The following COL20A1 variants were observed in gnomAD, a reference collection of about 807,000 sequenced individuals.
COL20A1 encodes the protein collagen alpha-1(XX) chain.
COL20A1 carries 164 observed loss-of-function variants against 152.9 expected under a neutral mutation model. The observed-to-expected ratio is 1.07, with a 90% CI of 0.94 to 1.22. The LOEUF is 1.22. Ranked by LOEUF, COL20A1 falls within the 50% of genes most tolerant of loss-of-function variation. COL20A1 has a pLI of 0.00. For missense variants in COL20A1, 1,873 were observed against 1,744.8 expected, an observed-to-expected ratio of 1.07 and a Z score of -1.31; for synonymous variants, 864 against 756.0, an observed-to-expected ratio of 1.14 and a Z score of -2.34.
intron 28 of COL20A1, 41 bp downstream of exon 28, chr20:63,325,535 G>T (rs753557774): frequency 1.2e-5 from 19 of 1,592,456 alleles, no homozygotes; most frequent in Non-Finnish European, 1.3e-5. Flanking sequence ...GGTTGGTGGG[G>T]GTGGGGGAAG....
intron 9 of COL20A1, 122 bp downstream of exon 9, chr20:63,309,619 T>G: frequency 8.2e-7 from 1 of 1,220,330 alleles, no homozygotes; most frequent in Non-Finnish European, 1.1e-6. Flanking sequence ...TGAGGGGGTC[T>G]GCAGCACCCC....
rs766815439 is a variant in COL20A1 at position 63,309,807 on chromosome 20, G to T, written c.1155G>T (p.Leu385=). The T allele has an allele frequency of 2.5e-6, 4 of 1,608,504 alleles. No homozygotes were observed. Among genetic ancestry groups the T allele is most frequent in the East Asian group, 2.2e-5 (1 of 44,748 alleles). The change falls in exon 10 of 36, where the codon CTG becomes CTT. Residue 385 remains leucine (L), a synonymous_variant. Transcript: ENST00000358894. ...DTLPAPTSLV[L]SQVTSSSIRL... ...TCCCTGCCCCCACCAGCCTGGTCCTGAGCCAGGTGACCTCCTCCAGCATCC... is the reference window on the plus strand; with the variant it reads ...TCCCTGCCCCCACCAGCCTGGTCCTTAGCCAGGTGACCTCCTCCAGCATCC...
intron 3 of COL20A1, among the ~76,000 whole-genome samples, chr20:63,300,335 G>T (rs2067849389): frequency 6.6e-6 from 1 of 151,826 alleles, no homozygotes. Context: ...CTGACTTCTG[G>T]GCTTGTGGTG....
At position 63,313,747 on chromosome 20, in the gene COL20A1, G is replaced by A. The variant is rs368855968; in HGVS notation, c.2214G>A (p.Thr738=). The A allele has an allele frequency of 2.7e-5, 43 of 1,588,050 alleles. No individual in the cohort carries two copies. In the African/African-American group the frequency reaches 3.7e-4, roughly 13 times the overall value. The change falls in exon 18 of 36, where the codon ACG becomes ACA. Residue 738 remains threonine, a synonymous_variant. Transcript: ENST00000358894. This position sits in a 1 kb window ranked among gnomAD's most constrained non-coding sequence, Gnocchi z 5.9. ...ACAACCCATGCTCTCGGCCAGCCAC[G>A]GTGAGCAGGAGCCCACCCTCCAACC... ...DPVSLRYTPS[T]VSRSPPSNLA... is the part of the protein sequence containing the mutation.
At chr20:63,300,720 T>C (rs560259505) in intron 3 of COL20A1, among the ~76,000 whole-genome samples, 2 of 152,346 alleles carry the variant, frequency 1.3e-5, no homozygotes, top group Admixed American at 6.5e-5. Context: ...TTTTCTGCTC[T>C]AACTTAAGAT....
chr20:63,317,374 GAGC>G (rs2068097752), intron 21 of COL20A1, among the ~76,000 whole-genome samples: 1 of 151,670 alleles, frequency 6.6e-6, no homozygotes, highest in African/African-American at 2.4e-5. Flanking sequence ...GCTGAGGTGG[GAGC>G]ATGTCTGTCT....
intron 29 of COL20A1, 135 bp from the exon 30 acceptor site, chr20:63,325,961 G>T (rs995203144): frequency 2.4e-6 from 2 of 827,074 alleles, no homozygotes; most frequent in Non-Finnish European, 4.0e-6. Flanking sequence ...CTGGGTAGGA[G>T]CCTGGCAGCC....
chr20:63,316,461 G>A, intron 20 of COL20A1, 92 bp from the exon 21 acceptor site: 1 of 1,040,202 alleles, frequency 9.6e-7, no homozygotes, highest in Non-Finnish European at 1.4e-6. Context: ...GCAGCCCCTG[G>A]GTCCCTCTTG....
At chr20:63,330,469 G>A (rs898124849) in intron 35 of COL20A1, among the ~76,000 whole-genome samples, 2 of 152,166 alleles carry the variant, frequency 1.3e-5, no homozygotes, top group Non-Finnish European at 2.9e-5. Flanking sequence ...TCAGAGCCCA[G>A]GGCTAAGAAC....
intron 3 of COL20A1, among the ~76,000 whole-genome samples, chr20:63,304,003 C>G (rs2067890795): frequency 7.2e-6 from 1 of 139,494 alleles, no homozygotes; most frequent in Non-Finnish European, 1.5e-5. Flanking sequence ...GTGGGTTCCT[C>G]CCTCCCTTCC....
intron 28 of COL20A1, 35 bp downstream of exon 28, chr20:63,325,529 G>T: frequency 2.5e-6 from 4 of 1,595,328 alleles, no homozygotes; most frequent in Non-Finnish European, 3.4e-6. Flanking sequence ...CACAGGGGTT[G>T]GTGGGGGTGG....
chr20:63,307,976 A>T lies in COL20A1; in HGVS notation c.661A>T (p.Thr221Ser), dbSNP rs1188437179. Residue 221 changes from threonine (T) to serine (S), a missense_variant, in exon 7 of 36, where the codon ACT becomes TCT. By Grantham distance (58) the Thr-to-Ser change is moderately conservative. Transcript: ENST00000358894. ...IGPDKVQVGL[T>S]QYSGDAQTEW... ...GCCATGCCCCTGCTCCCCAGGCCTGACTCAGTACAGCGGGGATGCTCAGAC... is the reference window on the plus strand; with the variant it reads ...GCCATGCCCCTGCTCCCCAGGCCTGTCTCAGTACAGCGGGGATGCTCAGAC... 1 of 1,612,088 alleles carries T rather than the reference A, an allele frequency of 6.2e-7. No homozygotes were observed. The highest frequency in any genetic ancestry group is 1.7e-5 in the Admixed American group (1 of 59,942).
At chr20:63,307,463 G>A in intron 5 of COL20A1, 27 bp from the exon 6 acceptor site, 1 of 1,601,288 alleles carries the variant, frequency 6.2e-7, no homozygotes, top group Non-Finnish European at 8.5e-7. Context: ...GCCTCACCTA[G>A]CACCTGACCC....
chr20:63,318,933 A>G (rs1568782291), intron 21 of COL20A1, 125 bp from the exon 22 acceptor site: 1 of 747,354 alleles, frequency 1.3e-6, no homozygotes, highest in East Asian at 2.6e-5. Context: ...GCAGGGGTCC[A>G]CCATGACCCT....
In COL20A1 at chr20:63,313,449, G is replaced by A. The variant is rs568092521; in HGVS notation, c.2209+200G>A. On this transcript the variant is annotated intron_variant, in intron 17 of 35. Transcript: ENST00000358894. The surrounding 1 kb of genome is among the most constrained non-coding windows in gnomAD (Gnocchi z 5.9). ...GTATAGGTGTTCCCCCAGTGGCCGA[G>A]TGCACAAACCACCTAGTGTCCCGCA... 1.4e-4 allele frequency among the ~76,000 whole-genome samples: 22 copies of A among 152,314 alleles called. No individual in the cohort carries two copies. The South Asian group carries it at 1.4e-3, about 10-fold the overall frequency.
At chr20:63,307,367 T>C (rs1407834715) in intron 5 of COL20A1, 123 bp from the exon 6 acceptor site, 9 of 921,332 alleles carry the variant, frequency 9.8e-6, no homozygotes, top group African/African-American at 1.7e-5. Flanking sequence ...CTTGGAGTCC[T>C]TTCCCCTGAA....
rs764931387 is a variant in COL20A1, at chr20:63,311,930, C to A, written c.1678C>A (p.Pro560Thr). The change falls in exon 14 of 36, where the codon CCG (proline) becomes ACG (threonine). Residue 560 changes from proline to threonine, a missense_variant. Coordinates refer to ENST00000358894, the MANE Select transcript of COL20A1 (RefSeq NM_020882.4). The surrounding 1 kb of genome is among the most constrained non-coding windows in gnomAD (Gnocchi z 4.4). ...IRARTPTLAP[P>T]RHLGFSDVSH... Reference sequence around the variant, plus strand: ...GTGCTTTGCAGCCACCCTGGCCCCCCCGAGACACCTGGGCTTCTCAGACGT... The same window carrying A: ...GTGCTTTGCAGCCACCCTGGCCCCCACGAGACACCTGGGCTTCTCAGACGT... 1.3e-6 allele frequency: 2 copies of A among 1,564,844 alleles called. No homozygotes were observed. The highest frequency in any genetic ancestry group is 1.9e-5 in the Admixed American group (1 of 54,038).
rs754212074 is a variant in COL20A1 at position 63,313,146 on chromosome 20, C to T, written c.2106C>T (p.Ala702=). Residue 702 remains alanine (A), a synonymous_variant, in exon 17 of 36, where the codon GCC becomes GCT. Coordinates refer to ENST00000358894, the MANE Select transcript of COL20A1 (RefSeq NM_020882.4). The surrounding 1 kb of genome is among the most constrained non-coding windows in gnomAD (Gnocchi z 5.9). The part of the protein sequence containing the change: ...EISVPGNLGT[A]VLPGLGRHTE... ...CTGTCCCAGGGAACCTCGGCACGGC[C>T]GTCCTGCCTGGCCTAGGGAGGCACA... The T allele has an allele frequency of 6.2e-6, 10 of 1,611,546 alleles. No individual in the cohort carries two copies. Among genetic ancestry groups the T allele is most frequent in the East Asian group, 4.5e-5 (2 of 44,838 alleles).
At position 63,308,030 on chromosome 20, in the gene COL20A1, A is replaced by T; in HGVS notation, c.715A>T (p.Lys239Ter). 1 of 1,612,322 alleles carries T rather than the reference A, an allele frequency of 6.2e-7. No homozygotes were observed. Residue 239 changes from lysine (K) to a stop codon, truncating the protein, a stop_gained, in exon 7 of 36, where the codon AAG (lysine) becomes TAG (stop). Transcript: ENST00000358894. LOFTEE classifies it high-confidence loss of function. Reference protein sequence around the residue: ...TEWDLNSLSTKEQVLAAVRRL... With the variant: ...TEWDLNSLST ...GTGGGACCTGAACTCCCTCAGCACC[A>T]AGGAACAGGTGCTGGCAGCTGTGCG...
Sources: allele counts gnomAD v4.1 joint callset (sites outside exome capture counted in the v4.1 genomes callset), GRCh38; gene constraint gnomAD v4.1.1; non-coding constraint Gnocchi (gnomAD v3.1); transcripts MANE v1.5; gene names NCBI Gene and HGNC (gene_info 2026-07-23, HGNC 2026-07-21).